Variants in FBXL20 observed in about 807,000 individuals in gnomAD.
FBXL20 encodes F-box/LRR-repeat protein 20.
Under a neutral mutation model 64.0 loss-of-function variants are expected in FBXL20, and 11 were observed. The ratio of observed to expected loss-of-function variants is 0.17; its 90% CI spans 0.11 to 0.28. FBXL20 has a LOEUF of 0.28. FBXL20 is among the 10% of genes least tolerant of loss of function. The probability of loss-of-function intolerance (pLI) is 1.00; values close to 1 mark genes in which losing one functional copy is unlikely to be tolerated. For missense variants in FBXL20, 303 were observed against 526.2 expected, an observed-to-expected ratio of 0.58 and a Z score of 4.15; for synonymous variants, 184 against 189.0, an observed-to-expected ratio of 0.97 and a Z score of 0.22.
At chr17:39,396,470 C>G (rs1421632668) in intron 1 of FBXL20, among the ~76,000 whole-genome samples, 1 of 151,770 alleles carries the variant, frequency 6.6e-6, no homozygotes, top group East Asian at 1.9e-4. Context: ...GTGGCGGGTG[C>G]CTGTAATCCC....
chr17:39,258,024 C>T lies in FBXL20; in HGVS notation c.*3436G>A, dbSNP rs2046710339. 2 of 152,298 alleles carry T rather than the reference C, an allele frequency of 1.3e-5. No individual in the cohort carries two copies. The highest frequency in any genetic ancestry group is 1.3e-4 in the Admixed American group (2 of 15,274). 9.4% of individuals were successfully genotyped at this position (152,298 alleles called of 1,614,324 possible). On this transcript the variant is annotated 3_prime_UTR_variant, in exon 15 of 15. Transcript: ENST00000264658. ...TGTTCAAGAACTTTCTCCAGAGACA[C>T]TACAGTAATTCCTCCTTGCCCACCT...
At chr17:39,340,917 C>T (rs1815297006) in intron 2 of FBXL20, among the ~76,000 whole-genome samples, 1 of 150,446 alleles carries the variant, frequency 6.6e-6, no homozygotes, top group Non-Finnish European at 1.5e-5. Flanking sequence ...AAAATTTGTG[C>T]TGACCAATTG....
At chr17:39,274,843 A>T in intron 10 of FBXL20, 127 bp downstream of exon 10, 1 of 1,212,550 alleles carries the variant, frequency 8.2e-7, no homozygotes, top group Non-Finnish European at 1.1e-6. Context: ...GGCATCTAAA[A>T]GGGACTACCT....
intron 1 of FBXL20, among the ~76,000 whole-genome samples, chr17:39,392,746 C>A (rs1231378709): frequency 2.0e-5 from 3 of 152,120 alleles, no homozygotes; most frequent in African/African-American, 7.2e-5. Flanking sequence ...GGCGAGGCGG[C>A]TCACCCCTGT....
intron 9 of FBXL20, among the ~76,000 whole-genome samples, chr17:39,279,552 C>T (rs1390702487): frequency 6.6e-6 from 1 of 151,332 alleles, no homozygotes; most frequent in Non-Finnish European, 1.5e-5. Context: ...GAGCAACTCT[C>T]ACTCCAAGGC....
In FBXL20 at chr17:39,285,527, C is replaced by A; in HGVS notation, c.445G>T (p.Asp149Tyr). The A allele has an allele frequency of 1.2e-6, 2 of 1,605,894 alleles. No homozygotes were observed. The highest frequency in any genetic ancestry group is 2.2e-5 in the South Asian group (2 of 89,022). ...SKFCSKLRHLDLASCTSITNM... is the reference protein window; with the variant it reads ...SKFCSKLRHLYLASCTSITNM... Reference sequence around the variant, plus strand: ...GTTATTGATGTACAGGAAGCCAAGTCAAGGTGCCTGAGTTTGGAACAGAAC... The same window carrying A: ...GTTATTGATGTACAGGAAGCCAAGTAAAGGTGCCTGAGTTTGGAACAGAAC... Residue 149 changes from aspartate to tyrosine, a missense_variant, in exon 7 of 15, where the codon GAC becomes TAC. Physicochemically the swap from Asp to Tyr is radical, Grantham distance 160. Transcript: ENST00000264658.
intron 1 of FBXL20, among the ~76,000 whole-genome samples, chr17:39,384,058 A>T (rs1181860213): frequency 2.6e-5 from 4 of 151,464 alleles, no homozygotes; most frequent in African/African-American, 4.9e-5. Flanking sequence ...ACATAGGGAG[A>T]CTCCATCTCT....
intron 4 of FBXL20, among the ~76,000 whole-genome samples, chr17:39,299,899 C>A (rs2047119626): frequency 6.6e-6 from 1 of 152,088 alleles, no homozygotes; most frequent in African/African-American, 2.4e-5. Flanking sequence ...GAGTTCGATA[C>A]AAGCCTGGCC....
chr17:39,324,287 G>A (rs944597311), intron 2 of FBXL20, among the ~76,000 whole-genome samples: 3 of 148,968 alleles, frequency 2.0e-5, no homozygotes, highest in Non-Finnish European at 4.4e-5. Context: ...TTCTCTCCAG[G>A]TGATTTTTCT....
At chr17:39,289,754 G>A (rs1156885424) in intron 6 of FBXL20, among the ~76,000 whole-genome samples, 1 of 151,876 alleles carries the variant, frequency 6.6e-6, no homozygotes, top group African/African-American at 2.4e-5. Context: ...CAGCACTTTG[G>A]GAGGCCGAGG....
At chr17:39,281,485 A>C (rs758288134) in intron 8 of FBXL20, 22 bp from the exon 9 acceptor site, 1 of 1,585,662 alleles carries the variant, frequency 6.3e-7, no homozygotes, top group Non-Finnish European at 8.6e-7. Flanking sequence ...AAAAAGTAAG[A>C]AAAAAATGAT....
intron 1 of FBXL20, among the ~76,000 whole-genome samples, chr17:39,366,997 C>G (rs866216414): frequency 1.3e-5 from 2 of 151,702 alleles, no homozygotes; most frequent in African/African-American, 4.8e-5. Flanking sequence ...ATTCTGCTGC[C>G]TCAGCCTCCC....
chr17:39,338,538 T>A (rs943979296), intron 2 of FBXL20, among the ~76,000 whole-genome samples: 9 of 151,484 alleles, frequency 5.9e-5, no homozygotes, highest in Non-Finnish European at 8.8e-5. Flanking sequence ...CAATAAAAAA[T>A]AATAATAATA....
intron 3 of FBXL20, among the ~76,000 whole-genome samples, 184 bp downstream of exon 3, chr17:39,303,401 C>G (rs1014117122): frequency 2.6e-5 from 4 of 152,162 alleles, no homozygotes; most frequent in Middle Eastern, 3.4e-3. Context: ...AAGTCAGAGA[C>G]AGTATATATA....
intron 1 of FBXL20, among the ~76,000 whole-genome samples, chr17:39,395,913 G>A (rs576302919): frequency 6.6e-6 from 1 of 152,028 alleles, no homozygotes; most frequent in Non-Finnish European, 1.5e-5. Context: ...TAGCAGAAGA[G>A]AGCGTTCCAT....
At chr17:39,400,756 G>A (rs983038751) in intron 1 of FBXL20, among the ~76,000 whole-genome samples, 6 of 152,154 alleles carry the variant, frequency 3.9e-5, no homozygotes, top group Admixed American at 3.9e-4. Flanking sequence ...AAAGCATGTA[G>A]ACATCCAAGG....
At chr17:39,271,865 A>C (rs73308815) in intron 10 of FBXL20, among the ~76,000 whole-genome samples, 4,881 of 152,304 alleles carry the variant, frequency 0.032, 122 homozygotes, top group African/African-American at 0.069. Context: ...AAATGGTAAC[A>C]AAGAACATGT....
intron 2 of FBXL20, among the ~76,000 whole-genome samples, chr17:39,321,029 A>G (rs1175354221): frequency 6.6e-6 from 1 of 152,202 alleles, no homozygotes; most frequent in African/African-American, 2.4e-5. Flanking sequence ...TCTGAAAGAA[A>G]CTAGTATGTA....
In FBXL20 at chr17:39,343,191, T is replaced by C. The variant is rs561332038; in HGVS notation, c.93A>G (p.Glu31=). Residue 31 remains glutamate, a synonymous_variant, in exon 2 of 15, where the codon GAA becomes GAG. Coordinates refer to ENST00000264658, the MANE Select transcript of FBXL20 (RefSeq NM_032875.3). ...GCATTCAGACTTACCGTAACAGGAG[T>C]TCTTTGGGAAGTTTTTTATTGATTA... is the stretch of plus-strand genomic sequence containing the variant. ...EAVINKKLPK[E]LLLRIFSFLD... is the part of the protein sequence containing the mutation. 7 of 1,600,152 alleles carry C rather than the reference T, an allele frequency of 4.4e-6. No homozygotes were observed. In the South Asian group the frequency reaches 8.0e-5, roughly 18 times the overall value.
Sources: allele counts gnomAD v4.1 joint callset (sites outside exome capture counted in the v4.1 genomes callset), GRCh38; gene constraint gnomAD v4.1.1; transcripts MANE v1.5; gene names NCBI Gene and HGNC (gene_info 2026-07-23, HGNC 2026-07-21).